The following PTPRM variants were observed in gnomAD, a reference collection of about 807,000 sequenced individuals.
PTPRM encodes the protein protein tyrosine phosphatase receptor type M, also known as receptor-type tyrosine-protein phosphatase mu.
Under a neutral mutation model 186.7 loss-of-function variants are expected in PTPRM, and 47 were observed. The ratio of observed to expected loss-of-function variants is 0.25; its 90% CI spans 0.20 to 0.32. The LOEUF (loss-of-function observed/expected upper bound fraction) is 0.32. PTPRM is among the 10% of genes least tolerant of loss of function. The pLI is 1.00. For synonymous variants in PTPRM, 668 were observed against 674.9 expected (o/e 0.99, Z 0.16); for missense variants, 1,494 against 1,865.0 (o/e 0.80, Z 3.66).
intron 2 of PTPRM, among the ~76,000 whole-genome samples, chr18:7,865,939 C>G (rs1200720449): frequency 6.6e-6 from 1 of 152,076 alleles, no homozygotes; most frequent in Non-Finnish European, 1.5e-5. Context: ...AGTAATTTAT[C>G]CATTTCTTCT....
chr18:8,250,400 A>G (rs994016557), intron 17 of PTPRM, among the ~76,000 whole-genome samples: 3 of 152,170 alleles, frequency 2.0e-5, no homozygotes, highest in East Asian at 3.8e-4. Flanking sequence ...ACTAATTTTC[A>G]GTTCTTAGAA....
chr18:8,376,034 C>G lies in PTPRM; in HGVS notation c.3172-12C>G. Reference sequence around the variant, plus strand: ...TGTTCTCTTCCTTGTTCTGGCTAACCAACTACTGCAGAGAGGTGTGCATGA... The same window carrying G: ...TGTTCTCTTCCTTGTTCTGGCTAACGAACTACTGCAGAGAGGTGTGCATGA... On this transcript the variant is annotated splice_polypyrimidine_tract_variant and intron_variant, in intron 24 of 32. Transcript: ENST00000580170. The G allele has an allele frequency of 1.3e-6, 2 of 1,598,306 alleles. No homozygotes were observed. Among genetic ancestry groups the G allele is most frequent in the African/African-American group, 1.3e-5 (1 of 74,770 alleles).
chr18:8,183,625 G>A (rs1022418329), intron 14 of PTPRM, among the ~76,000 whole-genome samples: 5 of 152,084 alleles, frequency 3.3e-5, no homozygotes, highest in Admixed American at 6.5e-5. Flanking sequence ...TCCAGGCACC[G>A]TGTTAACCAA....
intron 2 of PTPRM, among the ~76,000 whole-genome samples, chr18:7,834,678 A>T (rs1293570735): frequency 6.6e-6 from 1 of 151,580 alleles, no homozygotes; most frequent in African/African-American, 2.4e-5. Flanking sequence ...TTTGAGTAGG[A>T]TTGGTATTAG....
intron 4 of PTPRM, among the ~76,000 whole-genome samples, chr18:7,916,891 A>C (rs1010482594): frequency 3.9e-5 from 6 of 152,206 alleles, no homozygotes; most frequent in African/African-American, 7.2e-5. Flanking sequence ...CTGTAACTTT[A>C]TTAATACTTA....
At chr18:7,817,087 G>T (rs1254516760) in intron 2 of PTPRM, among the ~76,000 whole-genome samples, 1 of 149,436 alleles carries the variant, frequency 6.7e-6, no homozygotes, top group South Asian at 2.1e-4. Context: ...TGATTCTCTT[G>T]CCTCAGCCTC....
intron 1 of PTPRM, among the ~76,000 whole-genome samples, chr18:7,608,484 C>T (rs1034768621): frequency 6.6e-6 from 1 of 152,124 alleles, no homozygotes; most frequent in African/African-American, 2.4e-5. Flanking sequence ...CTTTGAAGCT[C>T]TACATTGATC....
chr18:8,373,786 G>A (rs921218472), intron 24 of PTPRM, among the ~76,000 whole-genome samples: 1 of 151,972 alleles, frequency 6.6e-6, no homozygotes, highest in Non-Finnish European at 1.5e-5. Context: ...TTGGGAGACT[G>A]AGGCTAAAGG....
chr18:7,788,102 C>G (rs2043174677), intron 2 of PTPRM, among the ~76,000 whole-genome samples: 1 of 152,098 alleles, frequency 6.6e-6, no homozygotes, highest in African/African-American at 2.4e-5. Flanking sequence ...CGATAAGTTA[C>G]AGTTACAGGC....
intron 7 of PTPRM, among the ~76,000 whole-genome samples, chr18:8,051,869 G>A (rs1035559708): frequency 6.6e-6 from 1 of 152,150 alleles, no homozygotes; most frequent in Non-Finnish European, 1.5e-5. Flanking sequence ...TTTAGATGCA[G>A]CATGAAATGT....
At chr18:7,744,978 G>T (rs1243600863) in intron 1 of PTPRM, among the ~76,000 whole-genome samples, 1 of 152,116 alleles carries the variant, frequency 6.6e-6, no homozygotes, top group African/African-American at 2.4e-5. Flanking sequence ...TAGAAAGGAT[G>T]AAATCAAAGG....
At chr18:7,711,826 G>A (rs2040220193) in intron 1 of PTPRM, among the ~76,000 whole-genome samples, 1 of 152,156 alleles carries the variant, frequency 6.6e-6, no homozygotes, top group African/African-American at 2.4e-5. Flanking sequence ...AAAGGCAGCA[G>A]ACCCAGTCAG....
intron 1 of PTPRM, among the ~76,000 whole-genome samples, chr18:7,670,208 C>A (rs2039188897): frequency 6.6e-6 from 1 of 151,768 alleles, no homozygotes; most frequent in Non-Finnish European, 1.5e-5. Context: ...TCAAAATTTG[C>A]AGTGCATTTT....
intron 13 of PTPRM, among the ~76,000 whole-genome samples, chr18:8,140,374 A>G (rs1456572305): frequency 6.6e-6 from 1 of 151,922 alleles, no homozygotes; most frequent in African/African-American, 2.4e-5. Flanking sequence ...CCAAAGTGGA[A>G]TTGTTTTCTG....
At position 8,384,550 on chromosome 18, in the gene PTPRM, T is replaced by C; in HGVS notation, c.3919-11T>C. On this transcript the variant is annotated splice_polypyrimidine_tract_variant and intron_variant, in intron 29 of 32. Transcript: ENST00000580170. ...TATAACTAACCTTGTGTTTATATGTTTTGAATTCAGTTGTGTCCACAGTAC... is the reference window on the plus strand; with the variant it reads ...TATAACTAACCTTGTGTTTATATGTCTTGAATTCAGTTGTGTCCACAGTAC... The C allele has an allele frequency of 6.2e-7, 1 of 1,614,060 alleles. No homozygotes were observed. Among genetic ancestry groups the C allele is most frequent in the Non-Finnish European group, 8.5e-7 (1 of 1,179,954 alleles).
chr18:8,138,959 C>T (rs2092701842), intron 13 of PTPRM, among the ~76,000 whole-genome samples: 1 of 152,118 alleles, frequency 6.6e-6, no homozygotes, highest in Admixed American at 6.5e-5. Context: ...GTTCCATCCT[C>T]CTTGACCCGC....
intron 14 of PTPRM, among the ~76,000 whole-genome samples, chr18:8,200,288 AG>A (rs1408913706): frequency 3.3e-5 from 5 of 152,042 alleles, no homozygotes; most frequent in African/African-American, 4.8e-5. Flanking sequence ...ACCGAGACCC[AG>A]GTGGACAGTT....
chr18:8,399,673 C>T (rs961508034), intron 32 of PTPRM: 2 of 152,186 alleles, frequency 1.3e-5, no homozygotes, highest in Admixed American at 6.5e-5. Flanking sequence ...AGAAGTCTAG[C>T]GTTTCGTCAT....
intron 22 of PTPRM, among the ~76,000 whole-genome samples, chr18:8,335,175 G>C (rs1251573603): frequency 6.6e-6 from 1 of 152,108 alleles, no homozygotes; most frequent in Non-Finnish European, 1.5e-5. Context: ...GGCCCCATGG[G>C]AGTCTCCTTC....
Sources: allele counts gnomAD v4.1 joint callset (sites outside exome capture counted in the v4.1 genomes callset), GRCh38; gene constraint gnomAD v4.1.1; transcripts MANE v1.5; gene names NCBI Gene and HGNC (gene_info 2026-07-23, HGNC 2026-07-21).